TTPAL: variants seen among roughly 807,000 people sequenced by gnomAD.
TTPAL encodes alpha-tocopherol transfer protein-like.
Under a neutral mutation model 28.7 loss-of-function variants are expected in TTPAL, and 21 were observed. That is an observed-to-expected ratio of 0.73 (90% CI 0.52 to 1.06). The LOEUF (loss-of-function observed/expected upper bound fraction) is 1.06, where lower values mean the gene tolerates loss of function less well. Ranked by LOEUF, TTPAL falls within the 50% of genes least tolerant of loss-of-function variation. The pLI, the probability that TTPAL is intolerant of heterozygous loss-of-function variation, is 0.00. For synonymous variants in TTPAL, 169 were observed against 171.9 expected (o/e 0.98, Z 0.13); for missense variants, 345 against 425.5 (o/e 0.81, Z 1.67).
rs1314217275 is a variant in TTPAL at position 44,491,602 on chromosome 20, C to G, written c.*2061C>G. The G allele has an allele frequency of 2.6e-5, 4 of 152,280 alleles. No individual in the cohort carries two copies. In the East Asian group the frequency reaches 7.5e-4, roughly 29 times the overall value. The allele number at this position is 152,280 out of a possible 1,614,324, so 9.4% of individuals were successfully genotyped here. A position where few individuals can be genotyped will look rare whatever the true frequency, so the allele number is the denominator to read the frequency against. On this transcript the variant is annotated 3_prime_UTR_variant, in exon 5 of 5. Transcript: ENST00000262605. ...AAGTTCTTTTCACCATGGATAGTAA[C>G]CCTGGATCCTCTACGGTACTGGCTG...
chr20:44,480,557 A>G lies in TTPAL; in HGVS notation c.445+113A>G. 1.9e-5 allele frequency: 21 copies of G among 1,095,308 alleles called. No homozygotes were observed. The highest frequency in any genetic ancestry group is 2.7e-5 in the Non-Finnish European group (21 of 771,540). The allele number at this position is 1,095,308 out of a possible 1,614,324, so 67.8% of individuals were successfully genotyped here. A position where few individuals can be genotyped will look rare whatever the true frequency, so the allele number is the denominator to read the frequency against. ...TTTTTACCCCTCCTTTGTTATAGTC[A>G]AGGCTCTTTTGATTGCAGATAACAC... On this transcript the variant is annotated intron_variant, in intron 2 of 4. Transcript: ENST00000262605. The surrounding 1 kb of genome is among the most constrained non-coding windows in gnomAD (Gnocchi z 4.1).
intron 4 of TTPAL, among the ~76,000 whole-genome samples, chr20:44,487,171 A>T (rs1412628611): frequency 6.6e-6 from 1 of 152,052 alleles, no homozygotes; most frequent in African/African-American, 2.4e-5. Flanking sequence ...AATTGCAGCT[A>T]CTTGGGAGGC....
At chr20:44,487,919 C>A (rs1330990082) in intron 4 of TTPAL, among the ~76,000 whole-genome samples, 1 of 152,232 alleles carries the variant, frequency 6.6e-6, no homozygotes, top group Admixed American at 6.5e-5. Flanking sequence ...CAGGCACGTG[C>A]CACCACGCAC....
At chr20:44,477,260 A>C (rs1383929633) in intron 1 of TTPAL, among the ~76,000 whole-genome samples, 2 of 152,200 alleles carry the variant, frequency 1.3e-5, no homozygotes, top group Non-Finnish European at 2.9e-5. Flanking sequence ...ACTTCCATAG[A>C]AACAAAGCCA....
chr20:44,484,539 CG>C lies in TTPAL; in HGVS notation c.639+10del, dbSNP rs1373435254. The C allele has an allele frequency of 1.3e-6, 2 of 1,543,250 alleles. No individual in the cohort carries two copies. The highest frequency in any genetic ancestry group is 1.8e-6 in the Non-Finnish European group (2 of 1,128,032). ...TGATTGGCATCCTCCAGGTAAGACCCGTATGTGTCCTGCCTGTTTCGTGGTG... is the reference window on the plus strand; with the variant it reads ...TGATTGGCATCCTCCAGGTAAGACCCTATGTGTCCTGCCTGTTTCGTGGTG... On this transcript the variant is annotated intron_variant, in intron 3 of 4. Coordinates refer to ENST00000262605, the MANE Select transcript of TTPAL (RefSeq NM_001039199.3).
intron 4 of TTPAL, among the ~76,000 whole-genome samples, 160 bp downstream of exon 4, chr20:44,486,866 T>C (rs1448653478): frequency 6.6e-6 from 1 of 152,164 alleles, no homozygotes; most frequent in African/African-American, 2.4e-5. Flanking sequence ...GAGGAGAAGA[T>C]GGAAGAGTAA....
intron 1 of TTPAL, among the ~76,000 whole-genome samples, chr20:44,478,021 A>G (rs1424532181): frequency 6.6e-6 from 1 of 152,214 alleles, no homozygotes; most frequent in African/African-American, 2.4e-5. Context: ...TGGGAGGCTG[A>G]GGCAGGAGGA....
At position 44,486,472 on chromosome 20, in the gene TTPAL, A is replaced by G. The variant is rs961837220; in HGVS notation, c.640-124A>G. On this transcript the variant is annotated intron_variant, in intron 3 of 4. Coordinates refer to ENST00000262605, the MANE Select transcript of TTPAL (RefSeq NM_001039199.3). The stretch of plus-strand genomic sequence containing the variant: ...CTAGTTAGGCCCCACGTGGACTGTC[A>G]TTGAGGAGGCCATAAGGATCAGATC... 1.5e-5 allele frequency: 10 copies of G among 652,128 alleles called. No homozygotes were observed. In the African/African-American group the frequency reaches 1.8e-4, roughly 12 times the overall value. The allele number at this position is 652,128 out of a possible 1,614,324, so 40.4% of individuals were successfully genotyped here.
chr20:44,487,632 T>TGG (rs2064164486), intron 4 of TTPAL, among the ~76,000 whole-genome samples: 2 of 152,342 alleles, frequency 1.3e-5, no homozygotes, highest in South Asian at 4.1e-4. Flanking sequence ...AATAGCACTT[T>TGG]GTCTTCCTTT....
In TTPAL at chr20:44,490,559, T is replaced by G. The variant is rs146026174; in HGVS notation, c.*1018T>G. On this transcript the variant is annotated 3_prime_UTR_variant, in exon 5 of 5. Coordinates refer to ENST00000262605, the MANE Select transcript of TTPAL (RefSeq NM_001039199.3). ...GGTACATGTGTCTTTCCAAGAGAGA[T>G]GTGTCACCAATTAGCCCTGCCTTTA... 6.6e-6 allele frequency: 1 copy of G among 152,336 alleles called. No individual in the cohort carries two copies. The highest frequency in any genetic ancestry group is 1.5e-5 in the Non-Finnish European group (1 of 68,042). 9.4% of individuals were successfully genotyped at this position (152,336 alleles called of 1,614,324 possible).
chr20:44,484,359 T>C lies in TTPAL; in HGVS notation c.468T>C (p.Tyr156=). Residue 156 remains tyrosine, a synonymous_variant, in exon 3 of 5, where the codon TAT becomes TAC. Coordinates refer to ENST00000262605, the MANE Select transcript of TTPAL (RefSeq NM_001039199.3). ...TAGACAGATGGATACCAAGCAACTA[T>C]CCAATTACTGAAAACATCCGAGCCA... ...IRPDRWIPSN[Y]PITENIRAIY... 1.3e-6 allele frequency: 2 copies of C among 1,577,980 alleles called. No individual in the cohort carries two copies. The highest frequency in any genetic ancestry group is 1.7e-6 in the Non-Finnish European group (2 of 1,151,322).
chr20:44,490,293 T>G lies in TTPAL; in HGVS notation c.*752T>G, dbSNP rs2064192858. The stretch of plus-strand genomic sequence containing the variant: ...TAGCAGGAAATGATTTTACTCAACC[T>G]AAAATGCTGGATCCCAGGCCCGTGT... On this transcript the variant is annotated 3_prime_UTR_variant, in exon 5 of 5. Transcript: ENST00000262605. 6.6e-6 allele frequency: 1 copy of G among 152,318 alleles called. No individual in the cohort carries two copies. The highest frequency in any genetic ancestry group is 1.5e-5 in the Non-Finnish European group (1 of 68,022). The allele number at this position is 152,318 out of a possible 1,614,324, so 9.4% of individuals were successfully genotyped here. A position where few individuals can be genotyped will look rare whatever the true frequency, so the allele number is the denominator to read the frequency against.
chr20:44,484,006 G>A (rs928624389), intron 2 of TTPAL, among the ~76,000 whole-genome samples: 4 of 152,086 alleles, frequency 2.6e-5, no homozygotes, highest in Non-Finnish European at 5.9e-5. Flanking sequence ...TGCCTGGGCT[G>A]GTCTTGAATT....
rs1245162689 is a variant in TTPAL at position 44,491,341 on chromosome 20, C to T, written c.*1800C>T. 4 of 152,146 alleles carry T rather than the reference C, an allele frequency of 2.6e-5. No homozygotes were observed. The highest frequency in any genetic ancestry group is 2.6e-4 in the Admixed American group (4 of 15,236). 9.4% of individuals were successfully genotyped at this position (152,146 alleles called of 1,614,324 possible). ...TGACCTATTTCCTTTCTAATGTATT[C>T]CACATGATCATGGTGTTAAATAGTG... On this transcript the variant is annotated 3_prime_UTR_variant, in exon 5 of 5. Transcript: ENST00000262605.
intron 1 of TTPAL, among the ~76,000 whole-genome samples, chr20:44,479,267 T>C (rs1407773116): frequency 6.6e-6 from 1 of 152,190 alleles, no homozygotes; most frequent in African/African-American, 2.4e-5. Context: ...ATGGAATTGC[T>C]GACCCAAAGG....
chr20:44,494,008 C>T lies in TTPAL; in HGVS notation c.*4467C>T, dbSNP rs1411509683. On this transcript the variant is annotated 3_prime_UTR_variant, in exon 5 of 5. Coordinates refer to ENST00000262605, the MANE Select transcript of TTPAL (RefSeq NM_001039199.3). The stretch of plus-strand genomic sequence containing the variant: ...AGCCAAGACTATGCCACTGCACTCC[C>T]GCCTGGGTGACAAAGCAATATTCTG... 3 of 152,118 alleles carry T rather than the reference C, an allele frequency of 2.0e-5. No homozygotes were observed. The highest frequency in any genetic ancestry group is 4.8e-5 in the African/African-American group (2 of 41,378). 9.4% of individuals were successfully genotyped at this position (152,118 alleles called of 1,614,324 possible).
In TTPAL at chr20:44,486,846, T is replaced by A. The variant is rs1461893260; in HGVS notation, c.750+140T>A. On this transcript the variant is annotated intron_variant, in intron 4 of 4. Coordinates refer to ENST00000262605, the MANE Select transcript of TTPAL (RefSeq NM_001039199.3). Reference sequence around the variant, plus strand: ...AGTTACAGATAAAATAAATGAACAGTCCCTTTTGTGAGGAGAAGATGGAAG... The same window carrying A: ...AGTTACAGATAAAATAAATGAACAGACCCTTTTGTGAGGAGAAGATGGAAG... The A allele has an allele frequency of 5.1e-6, 3 of 587,518 alleles. No individual in the cohort carries two copies. In the African/African-American group the frequency reaches 5.6e-5, roughly 11 times the overall value. 36.4% of individuals were successfully genotyped at this position (587,518 alleles called of 1,614,324 possible). A position where few individuals can be genotyped will look rare whatever the true frequency, so the allele number is the denominator to read the frequency against.
In TTPAL at chr20:44,489,718, T is replaced by C; in HGVS notation, c.*177T>C. The C allele has an allele frequency of 1.6e-6, 1 of 641,108 alleles. No individual in the cohort carries two copies. Among genetic ancestry groups the C allele is most frequent in the Non-Finnish European group, 2.6e-6 (1 of 380,044 alleles). 39.7% of individuals were successfully genotyped at this position (641,108 alleles called of 1,614,324 possible). A position where few individuals can be genotyped will look rare whatever the true frequency, so the allele number is the denominator to read the frequency against. On this transcript the variant is annotated 3_prime_UTR_variant, in exon 5 of 5. Coordinates refer to ENST00000262605, the MANE Select transcript of TTPAL (RefSeq NM_001039199.3). ...TGGGGTAAGCCTTTGGTTACTTTAA[T>C]TACTCCATGGAAGACATGGAAAATG...
At chr20:44,482,195 GCAGCAACGTTAGA>G (rs1308639184) in intron 2 of TTPAL, among the ~76,000 whole-genome samples, 1 of 152,158 alleles carries the variant, frequency 6.6e-6, no homozygotes, top group East Asian at 1.9e-4. Flanking sequence ...GGGTTAATTG[GCAGCAACGTTAGA>G]CAGCAAGCTG....
Sources: gnomAD v4.1 joint callset for allele counts (sites outside exome capture counted in the v4.1 genomes callset) on GRCh38, gnomAD v4.1.1 for gene constraint, Gnocchi (gnomAD v3.1) non-coding constraint, MANE v1.5 for transcripts, NCBI Gene and HGNC (gene_info 2026-07-23, HGNC 2026-07-21) for gene names.